The following ZBTB1 variants were observed in gnomAD, a reference collection of about 807,000 sequenced individuals.
ZBTB1 encodes the protein zinc finger and BTB domain-containing protein 1.
A neutral mutation model predicts 51.6 loss-of-function variants in ZBTB1; 13 were observed. That is an observed-to-expected ratio of 0.25 (90% CI 0.16 to 0.40). The LOEUF (loss-of-function observed/expected upper bound fraction) is 0.40, where lower values mean the gene tolerates loss of function less well. Among genes scored for constraint, ZBTB1 ranks in the 10% least tolerant of loss-of-function variants. ZBTB1 has a pLI of 1.00. For missense variants in ZBTB1, 567 were observed against 856.5 expected, an observed-to-expected ratio of 0.66 and a Z score of 4.22; for synonymous variants, 240 against 282.2, an observed-to-expected ratio of 0.85 and a Z score of 1.50.
intron 1 of ZBTB1, among the ~76,000 whole-genome samples, chr14:64,519,294 G>A (rs1463160492): frequency 6.6e-5 from 10 of 151,332 alleles, no homozygotes; most frequent in East Asian, 2.0e-4. Context: ...GATTACAGGC[G>A]CCCGCTATCA....
intron 1 of ZBTB1, among the ~76,000 whole-genome samples, chr14:64,509,538 A>G (rs1229445089): frequency 6.6e-6 from 1 of 152,188 alleles, no homozygotes; most frequent in African/African-American, 2.4e-5. Context: ...CTTAGAATGA[A>G]CATGCATTTT....
Position 64,523,790 on chromosome 14 carries a change from G to T in ZBTB1, c.*144G>T. On this transcript the variant is annotated 3_prime_UTR_variant, in exon 2 of 2. Transcript: ENST00000683701. The surrounding 1 kb of genome is among the most constrained non-coding windows in gnomAD (Gnocchi z 4.5). ...TTTTAACTTTAATATTTTTGTTTAG[G>T]ATTTTAAGTATCTACATTTAGGTAT... 5 of 1,349,972 alleles carry T rather than the reference G, an allele frequency of 3.7e-6. No homozygotes were observed. The highest frequency in any genetic ancestry group is 4.3e-5 in the South Asian group (2 of 46,166). 83.6% of individuals were successfully genotyped at this position (1,349,972 alleles called of 1,614,324 possible).
intron 1 of ZBTB1, among the ~76,000 whole-genome samples, chr14:64,508,120 T>C (rs890734071): frequency 2.6e-5 from 4 of 152,184 alleles, no homozygotes; most frequent in African/African-American, 9.7e-5. Flanking sequence ...GATGATGATC[T>C]AAAAACAGAG....
chr14:64,516,878 T>C (rs2140133063), intron 1 of ZBTB1: 1 of 152,376 alleles, frequency 6.6e-6, no homozygotes, highest in South Asian at 2.1e-4. Flanking sequence ...ATTGTGACTA[T>C]AGCTATAGAT....
chr14:64,527,438 A>G (rs1385000263), downstream of ZBTB1, among the ~76,000 whole-genome samples: 1 of 152,052 alleles, frequency 6.6e-6, no homozygotes, highest in African/African-American at 2.4e-5. Context: ...GTGAAACCCC[A>G]TCTCTACTAA....
At chr14:64,517,781 A>ATATATATATT (rs1160337478) in intron 1 of ZBTB1, among the ~76,000 whole-genome samples, 9 of 41,556 alleles carry the variant, frequency 2.2e-4, no homozygotes, top group Non-Finnish European at 3.7e-4. Flanking sequence ...ATATATATAT[A>ATATATATATT]TTTTTTTTTT....
At chr14:64,509,143 G>A (rs1966865) in intron 1 of ZBTB1, among the ~76,000 whole-genome samples, 34,899 of 152,188 alleles carry the variant, frequency 0.23, 4,668 homozygotes, top group Non-Finnish European at 0.31. Context: ...GCCTAGGCAG[G>A]CGGATTGTTT....
At position 64,522,878 on chromosome 14, in the gene ZBTB1, A is replaced by G. The variant is rs375161164; in HGVS notation, c.1374A>G (p.Val458=). 31 of 1,614,084 alleles carry G rather than the reference A, an allele frequency of 1.9e-5. No homozygotes were observed. Among genetic ancestry groups the G allele is most frequent in the Non-Finnish European group, 2.5e-5 (30 of 1,180,024 alleles). Residue 458 remains valine, a synonymous_variant, in exon 2 of 2, where the codon GTA becomes GTG. Transcript: ENST00000683701. ...GTGGTAAATGTGGACAAATACTTGT[A>G]AAGGGTAGGCAGCTTCAGGAACATG... ...CACGKCGQIL[V]KGRQLQEHAQ... is the part of the protein sequence containing the mutation.
chr14:64,520,946 C>T (rs1451861743), intron 1 of ZBTB1, among the ~76,000 whole-genome samples: 1 of 151,876 alleles, frequency 6.6e-6, no homozygotes, highest in Non-Finnish European at 1.5e-5. Flanking sequence ...ACTACAGCCT[C>T]TACCTGTCGG....
At chr14:64,515,674 C>A (rs2079774930) in intron 1 of ZBTB1, among the ~76,000 whole-genome samples, 1 of 152,110 alleles carries the variant, frequency 6.6e-6, no homozygotes, top group Non-Finnish European at 1.5e-5. Context: ...GTGCCTGCCA[C>A]CACGCCCGGC....
At chr14:64,520,070 C>T (rs1042299059) in intron 1 of ZBTB1, among the ~76,000 whole-genome samples, 1 of 151,960 alleles carries the variant, frequency 6.6e-6, no homozygotes, top group Non-Finnish European at 1.5e-5. Context: ...GGTGCGATCT[C>T]GGCTCACTGC....
Position 64,522,199 on chromosome 14 carries a change from A to G in ZBTB1, c.695A>G (p.Asp232Gly), listed in dbSNP as rs200793780. ...GGCTTTAGCTGTGAAAAATTATTAG[A>G]TGAGCATGTGCTAACCTGTACTAAC... Reference protein sequence around the residue: ...GFGFSCEKLLDEHVLTCTNRH... With the variant: ...GFGFSCEKLLGEHVLTCTNRH... Residue 232 changes from aspartate to glycine, a missense_variant, in exon 2 of 2, where the codon GAT becomes GGT. Physicochemically the swap from Asp to Gly is moderately conservative, Grantham distance 94 (BLOSUM62 -1). This residue lies in a region of ZBTB1 where 26 missense variants were observed against 67.0 expected (regional missense o/e 0.39). Transcript: ENST00000683701. The G allele has an allele frequency of 6.2e-7, 1 of 1,614,252 alleles. No homozygotes were observed. Among genetic ancestry groups the G allele is most frequent in the African/African-American group, 1.3e-5 (1 of 75,074 alleles).
chr14:64,524,811 A>G lies in ZBTB1; in HGVS notation c.*1165A>G. 2.0e-6 allele frequency: 2 copies of G among 980,798 alleles called. No homozygotes were observed. The highest frequency in any genetic ancestry group is 9.4e-5 in the South Asian group (2 of 21,168). 60.8% of individuals were successfully genotyped at this position (980,798 alleles called of 1,614,324 possible). A position where few individuals can be genotyped will look rare whatever the true frequency, so the allele number is the denominator to read the frequency against. ...GAGGATTATAAAATAATCACAGAGT[A>G]TATCAATGGAAACAGTTTATCATTT... On this transcript the variant is annotated 3_prime_UTR_variant, in exon 2 of 2. Coordinates refer to ENST00000683701, the MANE Select transcript of ZBTB1 (RefSeq NM_001123329.2).
intron 1 of ZBTB1, among the ~76,000 whole-genome samples, chr14:64,509,849 C>T (rs969950549): frequency 3.3e-5 from 5 of 151,538 alleles, no homozygotes; most frequent in South Asian, 2.1e-4. Flanking sequence ...TGGTGGTGGG[C>T]GCCTGTAGTC....
chr14:64,530,502 G>A (rs1310018414), intron 2 of ZBTB1, among the ~76,000 whole-genome samples: 1 of 152,084 alleles, frequency 6.6e-6, no homozygotes, highest in Non-Finnish European at 1.5e-5. Flanking sequence ...AGCTACTCTG[G>A]AGGCTGAGGC....
Position 64,504,962 on chromosome 14 carries a change from T to G in ZBTB1, c.-19+16T>G. On this transcript the variant is annotated intron_variant, in intron 1 of 1. Transcript: ENST00000683701. ...GTTGCGGCCGGTAAGTATTTGCCAG[T>G]TGTGGGGCTATTTGCGCAACTTTGG... is the stretch of plus-strand genomic sequence containing the variant. 2.5e-6 allele frequency: 1 copy of G among 394,822 alleles called. No individual in the cohort carries two copies. The highest frequency in any genetic ancestry group is 4.5e-6 in the Non-Finnish European group (1 of 223,210). The allele number at this position is 394,822 out of a possible 1,614,324, so 24.5% of individuals were successfully genotyped here.
At position 64,531,858 on chromosome 14, in the gene ZBTB1, CA is replaced by C; in HGVS notation, c.1899-2del. The C allele has an allele frequency of 1.2e-6, 2 of 1,613,602 alleles. No homozygotes were observed. ...TTGAGTTTTGTCTTTTTCTGTGTGG[CA>C]GTGGTGAAATAGGGCCTTCTAAACC... On this transcript the variant is annotated splice_acceptor_variant, in intron 2 of 2. Coordinates refer to the ZBTB1 transcript ENST00000358738. LOFTEE classifies it high-confidence loss of function.
intron 1 of ZBTB1, among the ~76,000 whole-genome samples, chr14:64,520,328 T>C (rs1456228796): frequency 6.6e-6 from 1 of 152,088 alleles, no homozygotes; most frequent in Non-Finnish European, 1.5e-5. Context: ...TAAATTTTTA[T>C]TTTTGGGATA....
intron 2 of ZBTB1, among the ~76,000 whole-genome samples, chr14:64,531,584 TTGTC>T (rs2079942416): frequency 6.6e-6 from 1 of 152,216 alleles, no homozygotes; most frequent in Non-Finnish European, 1.5e-5. Context: ...TTTCCTCTAT[TTGTC>T]TGACCCCTAT....
Sources: gnomAD v4.1 joint callset for allele counts (sites outside exome capture counted in the v4.1 genomes callset) on GRCh38, gnomAD v4.1.1 for gene constraint, gnomAD v4.1.1 regional missense constraint, Gnocchi (gnomAD v3.1) non-coding constraint, MANE v1.5 for transcripts, NCBI Gene and HGNC (gene_info 2026-07-23, HGNC 2026-07-21) for gene names.